Variants in CERKL observed in about 807,000 individuals in gnomAD.
CERKL encodes CERK like autophagy regulator, also known as ceramide kinase-like protein.
A neutral mutation model predicts 63.4 loss-of-function variants in CERKL; 61 were observed. That is an observed-to-expected ratio of 0.96 (90% CI 0.78 to 1.19). The LOEUF (loss-of-function observed/expected upper bound fraction) is 1.19, where lower values mean the gene tolerates loss of function less well. CERKL is among the 50% of genes most tolerant of loss of function. CERKL has a pLI of 0.00. For synonymous variants in CERKL, 250 were observed against 230.5 expected (o/e 1.08, Z -0.77); for missense variants, 675 against 655.5 (o/e 1.03, Z -0.33).
chr2:181,537,180 G>T lies in CERKL; in HGVS notation c.*1004C>A, dbSNP rs911179925. On this transcript the variant is annotated 3_prime_UTR_variant, in exon 13 of 13. Transcript: ENST00000410087. ...GTCATTCTTTCAGGAGAACATCTAG[G>T]ATCATAGATGAAAAATCAAGCCCCG... is the stretch of plus-strand genomic sequence containing the variant. 2.2e-6 allele frequency: 1 copy of T among 453,630 alleles called. No homozygotes were observed. Among genetic ancestry groups the T allele is most frequent in the Non-Finnish European group, 4.4e-6 (1 of 226,592 alleles). 28.1% of individuals were successfully genotyped at this position (453,630 alleles called of 1,614,324 possible). A position where few individuals can be genotyped will look rare whatever the true frequency, so the allele number is the denominator to read the frequency against.
Position 181,537,263 on chromosome 2 carries a change from T to TACTCAGAACTACTCAGAA in CERKL, c.*903_*920dup, listed in dbSNP as rs1429794750. ...AGGAAATTTACATTTGGTTCTTTCCTACTCAGAACTACTCAGAAACAACTA... is the reference window on the plus strand; with the variant it reads ...AGGAAATTTACATTTGGTTCTTTCCTACTCAGAACTACTCAGAAACTCAGAACTACTCAGAAACAACTA... On this transcript the variant is annotated 3_prime_UTR_variant, in exon 13 of 13. Transcript: ENST00000410087. 1 of 453,646 alleles carries TACTCAGAACTACTCAGAA rather than the reference T, an allele frequency of 2.2e-6. No homozygotes were observed. Among genetic ancestry groups the TACTCAGAACTACTCAGAA allele is most frequent in the East Asian group, 6.9e-5 (1 of 14,390 alleles). The allele number at this position is 453,646 out of a possible 1,614,324, so 28.1% of individuals were successfully genotyped here. A position where few individuals can be genotyped will look rare whatever the true frequency, so the allele number is the denominator to read the frequency against.
chr2:181,644,723 C>A (rs1687595464), intron 1 of CERKL, among the ~76,000 whole-genome samples: 2 of 152,090 alleles, frequency 1.3e-5, no homozygotes, highest in African/African-American at 2.4e-5. Flanking sequence ...ATCAAAGTTG[C>A]ATTCAATGTC....
chr2:181,603,907 T>C lies in CERKL; in HGVS notation c.411A>G (p.Thr137=), dbSNP rs776043571. The part of the protein sequence containing the change: ...KKEQNKLKNS[T]LDLINLSEDH... The stretch of plus-strand genomic sequence containing the variant: ...CTTCACTTAAATTAATAAGATCAAG[T>C]GTAGAATTCTTTAGTTTATTTTGTT... The change falls in exon 2 of 13, where the codon ACA becomes ACG. Residue 137 remains threonine (T), a synonymous_variant. Coordinates refer to ENST00000410087, the MANE Select transcript of CERKL (RefSeq NM_201548.5). 6.2e-7 allele frequency: 1 copy of C among 1,612,906 alleles called. No homozygotes were observed. Among genetic ancestry groups the C allele is most frequent in the Non-Finnish European group, 8.5e-7 (1 of 1,179,160 alleles).
rs982309235 is a variant in CERKL at position 181,603,460 on chromosome 2, A to G, written c.481+377T>C. Among the ~76,000 whole-genome samples the G allele has an allele frequency of 2.0e-5, 3 of 152,306 alleles. No individual in the cohort carries two copies. In the East Asian group the frequency reaches 5.8e-4, roughly 29 times the overall value. ...AAAGTCAGACAAACAGTACAGAAAA[A>G]CTACAGAACAATATGTTTTATGAAT... is the stretch of plus-strand genomic sequence containing the variant. On this transcript the variant is annotated intron_variant, in intron 2 of 12. Coordinates refer to ENST00000410087, the MANE Select transcript of CERKL (RefSeq NM_201548.5).
rs192696175 is a variant in CERKL at position 181,652,998 on chromosome 2, C to A, written c.238+3771G>T. ...TCATGTTGGCTAGGATGGTCTCGATCTTCTGACCTCGTGATCTGCCCGCCT... is the reference window on the plus strand; with the variant it reads ...TCATGTTGGCTAGGATGGTCTCGATATTCTGACCTCGTGATCTGCCCGCCT... On this transcript the variant is annotated intron_variant, in intron 1 of 12. Coordinates refer to ENST00000410087, the MANE Select transcript of CERKL (RefSeq NM_201548.5). Among the ~76,000 whole-genome samples the A allele has an allele frequency of 2.0e-5, 3 of 152,316 alleles. No homozygotes were observed. In the East Asian group the frequency reaches 5.8e-4, roughly 29 times the overall value.
chr2:181,575,571 T>A (rs572506549), intron 2 of CERKL, among the ~76,000 whole-genome samples: 10 of 152,252 alleles, frequency 6.6e-5, no homozygotes, highest in Non-Finnish European at 1.2e-4. Flanking sequence ...GAAGGGAGTA[T>A]CTGAGCAGGG....
rs1687294615 is a variant in CERKL, at chr2:181,538,235, T to G, written c.1548A>C (p.Pro516=). ...VASEVHIRLH[P]RLISLYGGSM... ...TTCCTCCATAAAGACTGATAAGTCT[T>G]GGATGCAATCTGTAAAGAAAATACA... Residue 516 remains proline, a synonymous_variant, in exon 13 of 13, where the codon CCA becomes CCC. Transcript: ENST00000410087. 2.5e-6 allele frequency: 4 copies of G among 1,582,232 alleles called. No homozygotes were observed. Among genetic ancestry groups the G allele is most frequent in the East Asian group, 4.5e-5 (2 of 44,700 alleles).
rs1559076817 is a variant in CERKL, at chr2:181,558,485, T to C, written c.820+81A>G. On this transcript the variant is annotated intron_variant, in intron 5 of 12. Transcript: ENST00000410087. The surrounding 1 kb of genome is among the most constrained non-coding windows in gnomAD (Gnocchi z 4.2). ...TTTCAAAGTCTGTTCATTAATTCTGTGTTGTGCTGTCTAGATTAGCAAGTA... is the reference window on the plus strand; with the variant it reads ...TTTCAAAGTCTGTTCATTAATTCTGCGTTGTGCTGTCTAGATTAGCAAGTA... 4 of 1,435,810 alleles carry C rather than the reference T, an allele frequency of 2.8e-6. No homozygotes were observed. Among genetic ancestry groups the C allele is most frequent in the Non-Finnish European group, 3.9e-6 (4 of 1,026,120 alleles). The allele number at this position is 1,435,810 out of a possible 1,614,324, so 88.9% of individuals were successfully genotyped here. A position where few individuals can be genotyped will look rare whatever the true frequency, so the allele number is the denominator to read the frequency against.
At chr2:181,551,626 C>T (rs192613340) in intron 5 of CERKL, among the ~76,000 whole-genome samples, 8 of 152,002 alleles carry the variant, frequency 5.3e-5, no homozygotes, top group African/African-American at 1.9e-4. Flanking sequence ...GTCAGAATGG[C>T]GATTATTAAA....
chr2:181,548,895 T>G lies in CERKL; in HGVS notation c.896-38A>C, dbSNP rs374294052. 70 of 1,568,184 alleles carry G rather than the reference T, an allele frequency of 4.5e-5. No homozygotes were observed. In the African/African-American group the frequency reaches 8.8e-4, roughly 20 times the overall value. ...ATTAAATATTAATCAGTGAGTACAGTAGGACTTGTATCAAAACAGCAAACA... is the reference window on the plus strand; with the variant it reads ...ATTAAATATTAATCAGTGAGTACAGGAGGACTTGTATCAAAACAGCAAACA... On this transcript the variant is annotated intron_variant, in intron 6 of 12. Transcript: ENST00000410087.
At chr2:181,631,557 C>T (rs61003932) in intron 1 of CERKL, among the ~76,000 whole-genome samples, 28,370 of 151,848 alleles carry the variant, frequency 0.19, 3,988 homozygotes, top group African/African-American at 0.39. Flanking sequence ...CCCTCCACAG[C>T]ACCCCCCTTC....
At chr2:181,583,731 T>C (rs1684637055) in intron 2 of CERKL, among the ~76,000 whole-genome samples, 1 of 152,198 alleles carries the variant, frequency 6.6e-6, no homozygotes, top group African/African-American at 2.4e-5. Flanking sequence ...ACAGGACAAA[T>C]AATCTAGTCT....
At chr2:181,552,746 T>C (rs1399513813) in intron 5 of CERKL, among the ~76,000 whole-genome samples, 2 of 152,194 alleles carry the variant, frequency 1.3e-5, no homozygotes, top group Admixed American at 6.5e-5. Flanking sequence ...TATTTAGCCA[T>C]TTCACAATGT....
chr2:181,543,623 C>T (rs548610764), intron 11 of CERKL, among the ~76,000 whole-genome samples: 2 of 152,248 alleles, frequency 1.3e-5, no homozygotes, highest in East Asian at 3.9e-4. Flanking sequence ...CAGTCATTGG[C>T]TGGGTTTACT....
At chr2:181,544,503 CA>C (rs56018260) in intron 11 of CERKL, among the ~76,000 whole-genome samples, 196 bp downstream of exon 11, 16,337 of 151,976 alleles carry the variant, frequency 0.11, 1,123 homozygotes, top group East Asian at 0.22. Flanking sequence ...ATTCATCATT[CA>C]AAAAAGGCCA....
chr2:181,554,164 CAAAAAA>C (rs36086391), intron 5 of CERKL, among the ~76,000 whole-genome samples: 5 of 94,274 alleles, frequency 5.3e-5, no homozygotes, highest in South Asian at 3.7e-4. Context: ...ACTATGGAGG[CAAAAAA>C]AAAAAAAAAA....
At chr2:181,546,759 T>C (rs1268908310) in intron 10 of CERKL, among the ~76,000 whole-genome samples, 3 of 149,520 alleles carry the variant, frequency 2.0e-5, no homozygotes. Context: ...GATAAAAAGA[T>C]ATATATAAGA....
At chr2:181,606,160 G>A (rs911702167) in intron 1 of CERKL, among the ~76,000 whole-genome samples, 1 of 147,544 alleles carries the variant, frequency 6.8e-6, no homozygotes, top group African/African-American at 2.5e-5. Flanking sequence ...GACAGACGGA[G>A]AGGAGGGAAG....
intron 5 of CERKL, among the ~76,000 whole-genome samples, chr2:181,554,271 C>G (rs1688111387): frequency 6.6e-6 from 1 of 151,920 alleles, no homozygotes; most frequent in African/African-American, 2.4e-5. Context: ...GTTAATGTCT[C>G]CCACATCCAA....
Sources: allele counts gnomAD v4.1 joint callset (sites outside exome capture counted in the v4.1 genomes callset), GRCh38; gene constraint gnomAD v4.1.1; non-coding constraint Gnocchi (gnomAD v3.1); transcripts MANE v1.5; gene names NCBI Gene and HGNC (gene_info 2026-07-23, HGNC 2026-07-21).